Variants in KCNB2 observed in about 807,000 individuals in gnomAD.
The protein encoded by KCNB2 is potassium voltage-gated channel subfamily B member 2.
In KCNB2, 15 loss-of-function variants were observed where a neutral mutation model predicts 61.5. The ratio of observed to expected loss-of-function variants is 0.24; its 90% CI spans 0.16 to 0.38. The LOEUF (loss-of-function observed/expected upper bound fraction) is 0.38, where lower values mean the gene tolerates loss of function less well. Among genes scored for constraint, KCNB2 ranks in the 10% least tolerant of loss-of-function variants. The pLI is 1.00. For missense variants in KCNB2, 828 were observed against 1,125.2 expected, an observed-to-expected ratio of 0.74 and a Z score of 3.78; for synonymous variants, 457 against 446.0, an observed-to-expected ratio of 1.02 and a Z score of -0.31.
chr8:72,701,563 C>T (rs936830470), intron 2 of KCNB2, among the ~76,000 whole-genome samples: 3 of 152,106 alleles, frequency 2.0e-5, no homozygotes, highest in African/African-American at 7.2e-5. Flanking sequence ...AAACTTTCCT[C>T]TACTTCCATT....
intron 2 of KCNB2, among the ~76,000 whole-genome samples, chr8:72,810,754 A>G (rs532584653): frequency 6.6e-6 from 1 of 152,320 alleles, no homozygotes; most frequent in South Asian, 2.1e-4. Flanking sequence ...GTTTAAAAAG[A>G]GGTATTTTTC....
At chr8:72,799,779 T>A (rs560510856) in intron 2 of KCNB2, among the ~76,000 whole-genome samples, 6 of 152,120 alleles carry the variant, frequency 3.9e-5, no homozygotes, top group African/African-American at 1.4e-4. Flanking sequence ...AAAATATAAT[T>A]GAAGGAGAAA....
intron 2 of KCNB2, among the ~76,000 whole-genome samples, chr8:72,801,232 T>C (rs1809120417): frequency 6.6e-6 from 1 of 152,260 alleles, no homozygotes; most frequent in Non-Finnish European, 1.5e-5. Context: ...GTAGTCATCA[T>C]ATACCCATTT....
At chr8:72,752,333 A>G (rs1808204770) in intron 2 of KCNB2, among the ~76,000 whole-genome samples, 1 of 152,114 alleles carries the variant, frequency 6.6e-6, no homozygotes, top group South Asian at 2.1e-4. Context: ...GTTTAACATT[A>G]TTTCTGGGTG....
intron 2 of KCNB2, among the ~76,000 whole-genome samples, chr8:72,698,981 A>G (rs1807066420): frequency 6.6e-6 from 1 of 152,298 alleles, no homozygotes; most frequent in African/African-American, 2.4e-5. Flanking sequence ...AGCAATTGCA[A>G]CATAAACCAA....
chr8:72,676,037 GT>G lies in KCNB2; in HGVS notation c.579+107725del, dbSNP rs567149104. On this transcript the variant is annotated intron_variant, in intron 2 of 2. Transcript: ENST00000523207. ...TCACTTAAAGACAGGGATATTTTCAGTAAAGCAGCAATAAACATTGCAAACT... is the reference window on the plus strand; with the variant it reads ...TCACTTAAAGACAGGGATATTTTCAGAAAGCAGCAATAAACATTGCAAACT... Among the ~76,000 whole-genome samples, 18 of 152,258 alleles carry G rather than the reference GT, an allele frequency of 1.2e-4. No homozygotes were observed. The East Asian group carries it at 3.5e-3, about 29-fold the overall frequency.
intron 2 of KCNB2, among the ~76,000 whole-genome samples, chr8:72,784,416 G>T (rs780753752): frequency 2.0e-5 from 3 of 152,128 alleles, no homozygotes; most frequent in Non-Finnish European, 4.4e-5. Flanking sequence ...TTGTTTGGTT[G>T]CTGGGTGTGT....
At chr8:72,870,327 G>T (rs1373962838) in intron 2 of KCNB2, among the ~76,000 whole-genome samples, 2 of 152,118 alleles carry the variant, frequency 1.3e-5, no homozygotes. Flanking sequence ...TAAGAGGGTA[G>T]ATCTCAAGTG....
At chr8:72,853,041 A>G (rs1810146410) in intron 2 of KCNB2, among the ~76,000 whole-genome samples, 1 of 152,208 alleles carries the variant, frequency 6.6e-6, no homozygotes, top group African/African-American at 2.4e-5. Flanking sequence ...TGTTGAAAAG[A>G]GCACTAGATT....
intron 2 of KCNB2, among the ~76,000 whole-genome samples, chr8:72,712,498 T>C (rs1389359916): frequency 6.6e-6 from 1 of 152,258 alleles, no homozygotes; most frequent in Non-Finnish European, 1.5e-5. Context: ...TGTGGTTTTC[T>C]TTGGTAACAA....
intron 1 of KCNB2, among the ~76,000 whole-genome samples, chr8:72,565,960 A>G (rs922824334): frequency 2.6e-5 from 4 of 152,194 alleles, no homozygotes; most frequent in Non-Finnish European, 5.9e-5. Context: ...GTATGTTGCA[A>G]TGGTATGGTG....
rs1806764151 is a variant in KCNB2, at chr8:72,681,929, G to T, written c.579+113616G>T. Among the ~76,000 whole-genome samples, 3 of 152,208 alleles carry T rather than the reference G, an allele frequency of 2.0e-5. No individual in the cohort carries two copies. The South Asian group carries it at 6.2e-4, about 32-fold the overall frequency. ...ACTATGTAGTGATTTAACATCCCCTGGTCCTTCAATGAGTGTTCTTTAGAA... is the reference window on the plus strand; with the variant it reads ...ACTATGTAGTGATTTAACATCCCCTTGTCCTTCAATGAGTGTTCTTTAGAA... On this transcript the variant is annotated intron_variant, in intron 2 of 2. Coordinates refer to ENST00000523207, the MANE Select transcript of KCNB2 (RefSeq NM_004770.3).
chr8:72,585,649 T>C (rs1005103652), intron 2 of KCNB2, among the ~76,000 whole-genome samples: 20 of 152,224 alleles, frequency 1.3e-4, no homozygotes, highest in African/African-American at 4.6e-4. Flanking sequence ...ATTACAGGCA[T>C]GAGCCGTGAT....
At chr8:72,698,268 C>CCA (rs71267909) in intron 2 of KCNB2, among the ~76,000 whole-genome samples, 17 of 150,914 alleles carry the variant, frequency 1.1e-4, no homozygotes, top group South Asian at 8.4e-4. Context: ...TTTGTAATAG[C>CCA]CACACACACA....
intron 2 of KCNB2, among the ~76,000 whole-genome samples, chr8:72,676,973 A>G (rs1454254581): frequency 6.6e-6 from 1 of 151,984 alleles, no homozygotes; most frequent in Non-Finnish European, 1.5e-5. Context: ...TCGGTACCTC[A>G]CACAATGACA....
intron 2 of KCNB2, among the ~76,000 whole-genome samples, chr8:72,758,279 C>T (rs1215333682): frequency 6.6e-6 from 1 of 152,100 alleles, no homozygotes; most frequent in African/African-American, 2.4e-5. Flanking sequence ...TATGTAGTGG[C>T]ATTAGTCCTC....
chr8:72,775,636 AGCAGAGAAGCACTTT>A (rs1315365658), intron 2 of KCNB2, among the ~76,000 whole-genome samples: 1 of 152,102 alleles, frequency 6.6e-6, no homozygotes, highest in Non-Finnish European at 1.5e-5. Context: ...TTGGAGCAAC[AGCAGAGAAGCACTTT>A]GCCTCCTGAC....
intron 2 of KCNB2, among the ~76,000 whole-genome samples, chr8:72,669,995 A>C (rs1806537108): frequency 6.6e-6 from 1 of 152,236 alleles, no homozygotes; most frequent in South Asian, 2.1e-4. Flanking sequence ...CTCTGGTCTC[A>C]GTCCTTCCTC....
chr8:72,937,073 A>G lies in KCNB2; in HGVS notation c.1718A>G (p.Glu573Gly), dbSNP rs1308220771. 1 of 1,614,146 alleles carries G rather than the reference A, an allele frequency of 6.2e-7. No individual in the cohort carries two copies. Among genetic ancestry groups the G allele is most frequent in the Admixed American group, 1.7e-5 (1 of 60,024 alleles). The change falls in exon 3 of 3, where the codon GAG becomes GGG. Residue 573 changes from glutamate (E) to glycine (G), a missense_variant. Glu to Gly is a moderately conservative substitution (Grantham distance 98, BLOSUM62 -2). Around this residue, in one of 4 missense-constraint regions of KCNB2, gnomAD observed 559 missense variants for 588.4 expected, o/e 0.95. Coordinates refer to ENST00000523207, the MANE Select transcript of KCNB2 (RefSeq NM_004770.3). ...GAGAGGCCATCTGCATATGAAGAAGAGATTGAAATGGAAGAAGTGGTGTGT... is the reference window on the plus strand; with the variant it reads ...GAGAGGCCATCTGCATATGAAGAAGGGATTGAAATGGAAGAAGTGGTGTGT... The part of the protein sequence containing the change: ...KPERPSAYEE[E>G]IEMEEVVCPQ...
Sources: gnomAD v4.1 joint callset for allele counts (sites outside exome capture counted in the v4.1 genomes callset) on GRCh38, gnomAD v4.1.1 for gene constraint, gnomAD v4.1.1 regional missense constraint, MANE v1.5 for transcripts, NCBI Gene and HGNC (gene_info 2026-07-23, HGNC 2026-07-21) for gene names.